TNFAIP8: variants seen among roughly 807,000 people sequenced by gnomAD.
TNFAIP8 encodes the protein TNF alpha induced protein 8.
Under a neutral mutation model 13.3 loss-of-function variants are expected in TNFAIP8, and 7 were observed. The ratio of observed to expected loss-of-function variants is 0.52; its 90% CI spans 0.30 to 0.99. The LOEUF (loss-of-function observed/expected upper bound fraction) is 0.99, where lower values mean the gene tolerates loss of function less well. Ranked by LOEUF, TNFAIP8 falls within the 50% of genes least tolerant of loss-of-function variation. The pLI is 0.07. For synonymous variants in TNFAIP8, 94 were observed against 87.6 expected (o/e 1.07, Z -0.41); for missense variants, 258 against 236.9 (o/e 1.09, Z -0.58).
chr5:119,325,694 G>T lies in TNFAIP8; in HGVS notation c.1+56787G>T, dbSNP rs560982863. ...TGATCTCCTGACCTCGTGATCCGCC[G>T]GCCTCGGCCTCCCATAGTGCTGGGA... is the stretch of plus-strand genomic sequence containing the variant. On this transcript the variant is annotated intron_variant, in intron 1 of 1. Coordinates refer to the TNFAIP8 transcript ENST00000274456. Among the ~76,000 whole-genome samples the T allele has an allele frequency of 2.6e-5, 4 of 152,054 alleles. No homozygotes were observed. The South Asian group carries it at 8.3e-4, about 32-fold the overall frequency.
chr5:119,366,434 C>A (rs911198663), intron 1 of TNFAIP8, among the ~76,000 whole-genome samples: 3 of 152,184 alleles, frequency 2.0e-5, no homozygotes, highest in African/African-American at 7.2e-5. Context: ...TGCCCCTCTT[C>A]CAACTGCTAA....
chr5:119,274,187 A>G (rs1423096580), intron 1 of TNFAIP8, among the ~76,000 whole-genome samples: 2 of 152,116 alleles, frequency 1.3e-5, no homozygotes, highest in African/African-American at 4.8e-5. Context: ...ACATGCAGAC[A>G]CGAAAAAAAA....
At chr5:119,307,567 A>T (rs1305171415) in intron 1 of TNFAIP8, among the ~76,000 whole-genome samples, 65 of 152,246 alleles carry the variant, frequency 4.3e-4, no homozygotes, top group Admixed American at 1.0e-3. Context: ...ATCTCTATGT[A>T]TCCATTCATA....
rs769201999 is a variant in TNFAIP8, at chr5:119,392,898, C to T, written c.114C>T (p.Ile38=). Residue 38 remains isoleucine (I), a synonymous_variant, in exon 2 of 2, where the codon ATC becomes ATT. Transcript: ENST00000504771. ...KILGKMVSKS[I]ATTLIDDTSS... Reference sequence around the variant, plus strand: ...TGGGTAAAATGGTGTCCAAATCCATCGCCACCACCTTAATAGACGACACAA... The same window carrying T: ...TGGGTAAAATGGTGTCCAAATCCATTGCCACCACCTTAATAGACGACACAA... 4.8e-5 allele frequency: 76 copies of T among 1,589,514 alleles called. No homozygotes were observed. The highest frequency in any genetic ancestry group is 1.7e-4 in the Middle Eastern group (1 of 6,058).
At chr5:119,355,983 T>C, upstream of TNFAIP8, 1 of 1,512,530 alleles carries the variant, frequency 6.6e-7, no homozygotes, top group Non-Finnish European at 8.9e-7. Flanking sequence ...TTAGTGGCTT[T>C]CTTCCTTTTA....
intron 1 of TNFAIP8, among the ~76,000 whole-genome samples, chr5:119,273,021 G>C (rs2150798906): frequency 6.6e-6 from 1 of 152,296 alleles, no homozygotes; most frequent in Middle Eastern, 3.4e-3. Context: ...AATTCCACTT[G>C]TAGTTTCCTT....
intron 1 of TNFAIP8, among the ~76,000 whole-genome samples, chr5:119,357,757 G>A (rs181056149): frequency 1.3e-5 from 2 of 151,890 alleles, no homozygotes; most frequent in Admixed American, 1.3e-4. Context: ...GGCCACAAAT[G>A]ATATGGCGCT....
intron 1 of TNFAIP8, among the ~76,000 whole-genome samples, chr5:119,350,998 C>CTG (rs70982476): frequency 0.24 from 33,070 of 137,648 alleles, 4,111 homozygotes; most frequent in South Asian, 0.4. Flanking sequence ...GGGTCTCACT[C>CTG]TGTGTGTGTG....
chr5:119,373,135 A>T (rs1038191631), intron 1 of TNFAIP8, among the ~76,000 whole-genome samples: 1 of 152,102 alleles, frequency 6.6e-6, no homozygotes, highest in Non-Finnish European at 1.5e-5. Flanking sequence ...TCCACCCCAG[A>T]CACAAAGCTT....
chr5:119,394,029 T>A lies in TNFAIP8; in HGVS notation c.*648T>A, dbSNP rs879503359. 1.3e-5 allele frequency: 2 copies of A among 152,222 alleles called. No individual in the cohort carries two copies. Among genetic ancestry groups the A allele is most frequent in the Admixed American group, 6.5e-5 (1 of 15,286 alleles). The allele number at this position is 152,222 out of a possible 1,614,324, so 9.4% of individuals were successfully genotyped here. On this transcript the variant is annotated 3_prime_UTR_variant, in exon 2 of 2. Coordinates refer to ENST00000504771, the MANE Select transcript of TNFAIP8 (RefSeq NM_014350.4). ...TATGCTTCTGGAATTGAGTTCTCCT[T>A]TTAAGTACCAATGATACTTAAATTT...
rs375136580 is a variant in TNFAIP8 at position 119,299,005 on chromosome 5, C to T, written c.1+30098C>T. Among the ~76,000 whole-genome samples, 1,291 of 152,212 alleles carry T rather than the reference C, an allele frequency of 8.5e-3. 21 individuals carry two copies. The highest frequency in any genetic ancestry group is 0.05 in the South Asian group (241 of 4,822). ...GTATTGGTTATTCTAGTTATACATT[C>T]TTCTAAATTTTTTTCAAAGTTTTTA... On this transcript the variant is annotated intron_variant, in intron 1 of 1. Coordinates refer to the TNFAIP8 transcript ENST00000274456.
intron 1 of TNFAIP8, among the ~76,000 whole-genome samples, chr5:119,323,836 G>C (rs990516631): frequency 9.2e-5 from 14 of 152,124 alleles, no homozygotes; most frequent in African/African-American, 3.4e-4. Flanking sequence ...ATTTGAGCTT[G>C]TGTAAGCCAG....
At chr5:119,309,973 T>C (rs58196366) in intron 1 of TNFAIP8, among the ~76,000 whole-genome samples, 19,292 of 152,060 alleles carry the variant, frequency 0.13, 3,193 homozygotes, top group African/African-American at 0.39. Context: ...CACAGGACTG[T>C]GGAGGGCCAA....
chr5:119,379,858 G>C (rs1235784206), intron 1 of TNFAIP8, among the ~76,000 whole-genome samples: 1 of 152,062 alleles, frequency 6.6e-6, no homozygotes, highest in Non-Finnish European at 1.5e-5. Context: ...CTCCCAAAGT[G>C]CTGGGATTAT....
At chr5:119,270,740 T>C (rs566256253) in intron 1 of TNFAIP8, among the ~76,000 whole-genome samples, 1 of 152,336 alleles carries the variant, frequency 6.6e-6, no homozygotes, top group South Asian at 2.1e-4. Context: ...ATGAATCCCT[T>C]AGATATTGAA....
At chr5:119,358,294 A>C (rs1005223127) in intron 1 of TNFAIP8, among the ~76,000 whole-genome samples, 1 of 152,174 alleles carries the variant, frequency 6.6e-6, no homozygotes, top group African/African-American at 2.4e-5. Flanking sequence ...GTTGAATCTA[A>C]GTCCTTGGAG....
chr5:119,343,105 T>G (rs1455748331), intron 1 of TNFAIP8, among the ~76,000 whole-genome samples: 1 of 152,218 alleles, frequency 6.6e-6, no homozygotes, highest in Non-Finnish European at 1.5e-5. Context: ...TCAATCCATC[T>G]TATTAATAGT....
Position 119,342,552 on chromosome 5 carries a change from T to C in TNFAIP8, c.2-50264T>C, listed in dbSNP as rs529502663. ...AATGCTTTCTCCTCAGGGTACTCTC[T>C]CAACTTACTCCCTTCAGGAAAATTT... On this transcript the variant is annotated intron_variant, in intron 1 of 1. Transcript: ENST00000274456. Among the ~76,000 whole-genome samples the C allele has an allele frequency of 3.4e-4, 52 of 152,294 alleles. No individual in the cohort carries two copies. The South Asian group carries it at 0.011, about 31-fold the overall frequency.
In TNFAIP8 at chr5:119,398,706, C is replaced by G. The variant is rs1295057976; in HGVS notation, c.*5325C>G. ...AAAAAAAAAAAAAGAAACTCTGTCT[C>G]GAAGTAAATAAATAAATTTTTAAAA... On this transcript the variant is annotated 3_prime_UTR_variant, in exon 2 of 2. Transcript: ENST00000504771. The G allele has an allele frequency of 6.6e-6, 1 of 151,612 alleles. No homozygotes were observed. The highest frequency in any genetic ancestry group is 1.5e-5 in the Non-Finnish European group (1 of 67,918). 9.4% of individuals were successfully genotyped at this position (151,612 alleles called of 1,614,324 possible).
Sources: allele counts gnomAD v4.1 joint callset (sites outside exome capture counted in the v4.1 genomes callset), GRCh38; gene constraint gnomAD v4.1.1; transcripts MANE v1.5; gene names NCBI Gene and HGNC (gene_info 2026-07-23, HGNC 2026-07-21).